Variants in NIM1K observed in about 807,000 individuals in gnomAD.
NIM1K encodes NIM1 serine/threonine protein kinase, also known as serine/threonine-protein kinase NIM1.
A neutral mutation model predicts 37.1 loss-of-function variants in NIM1K; 35 were observed. The observed-to-expected ratio is 0.94, with a 90% CI of 0.72 to 1.25. NIM1K has a LOEUF of 1.25. NIM1K is among the 50% of genes most tolerant of loss of function. The pLI is 0.00. For missense variants in NIM1K, 564 were observed against 548.0 expected (o/e 1.03, Z -0.29); for synonymous variants, 234 against 206.6 (o/e 1.13, Z -1.14).
chr5:43,259,258 G>A lies in NIM1K; in HGVS notation c.292+13191G>A, dbSNP rs1348298441. ...TTGATATAAGGACTTCTTTTCCTTT[G>A]GGGAGATACCCAGTAGGGGATTGTT... On this transcript the variant is annotated intron_variant, in intron 2 of 3. Coordinates refer to ENST00000326035, the MANE Select transcript of NIM1K (RefSeq NM_153361.4). 2.0e-5 allele frequency among the ~76,000 whole-genome samples: 3 copies of A among 152,248 alleles called. No homozygotes were observed. In the East Asian group the frequency reaches 5.8e-4, roughly 29 times the overall value.
intron 1 of NIM1K, among the ~76,000 whole-genome samples, chr5:43,233,901 T>C (rs1467456500): frequency 6.6e-6 from 1 of 152,198 alleles, no homozygotes; most frequent in Non-Finnish European, 1.5e-5. Context: ...AGTATCTTAA[T>C]GCTATTCCTT....
chr5:43,264,033 A>C (rs868755737), intron 2 of NIM1K, among the ~76,000 whole-genome samples: 9 of 152,232 alleles, frequency 5.9e-5, no homozygotes, highest in Admixed American at 2.6e-4. Context: ...GGAGTGCTTT[A>C]CTTCCAACTA....
At chr5:43,201,048 C>T (rs1210626668) in intron 1 of NIM1K, among the ~76,000 whole-genome samples, 1 of 151,094 alleles carries the variant, frequency 6.6e-6, no homozygotes, top group Non-Finnish European at 1.5e-5. Flanking sequence ...TTGCTTGAGC[C>T]TGGGCGGCAG....
At chr5:43,244,813 T>C (rs1752752670) in intron 1 of NIM1K, among the ~76,000 whole-genome samples, 1 of 152,244 alleles carries the variant, frequency 6.6e-6, no homozygotes, top group Admixed American at 6.5e-5. Context: ...GCAATGTGCA[T>C]ATTTTCTTAA....
At chr5:43,234,595 C>A (rs1752590702) in intron 1 of NIM1K, among the ~76,000 whole-genome samples, 1 of 152,026 alleles carries the variant, frequency 6.6e-6, no homozygotes, top group South Asian at 2.1e-4. Context: ...TGAAGACCAG[C>A]CTGGCCAACA....
At chr5:43,201,594 A>T (rs925583183) in intron 1 of NIM1K, among the ~76,000 whole-genome samples, 3 of 151,928 alleles carry the variant, frequency 2.0e-5, no homozygotes, top group African/African-American at 7.3e-5. Context: ...ACAGCCATTC[A>T]TATTTGTGAA....
intron 2 of NIM1K, among the ~76,000 whole-genome samples, chr5:43,251,810 C>T (rs181793827): frequency 7.9e-5 from 12 of 152,216 alleles, no homozygotes; most frequent in East Asian, 5.8e-4. Context: ...TGTTATTGAC[C>T]GCCTCCATCC....
intron 1 of NIM1K, chr5:43,225,940 CA>C (rs1400525252): frequency 6.6e-6 from 1 of 152,180 alleles, no homozygotes; most frequent in Non-Finnish European, 1.5e-5. Flanking sequence ...GTTGGAAGTA[CA>C]AAAGAGAACT....
intron 1 of NIM1K, among the ~76,000 whole-genome samples, chr5:43,202,604 C>T (rs1004104555): frequency 5.3e-5 from 8 of 152,158 alleles, no homozygotes; most frequent in African/African-American, 1.9e-4. Flanking sequence ...CTTGGAGCCT[C>T]AGGTTAATTT....
At chr5:43,217,307 T>G (rs1399028511) in intron 1 of NIM1K, among the ~76,000 whole-genome samples, 1 of 152,150 alleles carries the variant, frequency 6.6e-6, no homozygotes, top group Non-Finnish European at 1.5e-5. Flanking sequence ...GGTGCTTCAT[T>G]TCTATTTATT....
intron 2 of NIM1K, among the ~76,000 whole-genome samples, chr5:43,263,487 G>T (rs1340512587): frequency 1.3e-4 from 20 of 150,972 alleles, no homozygotes; most frequent in African/African-American, 4.6e-4. Flanking sequence ...GCCTCTATTT[G>T]ATTCTTCTCT....
intron 1 of NIM1K, among the ~76,000 whole-genome samples, chr5:43,223,697 G>A (rs1380157959): frequency 6.6e-6 from 1 of 152,118 alleles, no homozygotes; most frequent in African/African-American, 2.4e-5. Flanking sequence ...TCACTCCAGA[G>A]GTTACCAGAA....
intron 1 of NIM1K, chr5:43,233,000 C>T (rs1290601958): frequency 2.5e-5 from 29 of 1,182,258 alleles, no homozygotes; most frequent in East Asian, 1.9e-4. Context: ...ACATGCTTGC[C>T]GGAGCCCGTC....
chr5:43,236,368 G>C lies in NIM1K; in HGVS notation c.-694-8714G>C, dbSNP rs538710987. Among the ~76,000 whole-genome samples, 388 of 152,032 alleles carry C rather than the reference G, an allele frequency of 2.6e-3. 5 individuals carry two copies. Among genetic ancestry groups the C allele is most frequent in the African/African-American group, 9.0e-3 (373 of 41,490 alleles). ...TGGGTGGATTGCACCTGTAATCCTA[G>C]CTACAAGGAGGCTGAGGCAGAAGGA... On this transcript the variant is annotated intron_variant, in intron 1 of 3. Coordinates refer to ENST00000326035, the MANE Select transcript of NIM1K (RefSeq NM_153361.4).
intron 1 of NIM1K, among the ~76,000 whole-genome samples, chr5:43,211,731 G>A (rs1323232815): frequency 6.6e-6 from 1 of 152,140 alleles, no homozygotes; most frequent in Admixed American, 6.5e-5. Context: ...ACCATGCAAT[G>A]GAAATCTAAT....
chr5:43,275,904 T>C (rs908378851), intron 2 of NIM1K, among the ~76,000 whole-genome samples: 19 of 151,628 alleles, frequency 1.3e-4, no homozygotes, highest in Non-Finnish European at 2.5e-4. Context: ...TAATTTTTTT[T>C]TTTTTTTTTT....
chr5:43,200,016 C>T (rs1450143103), intron 1 of NIM1K, among the ~76,000 whole-genome samples: 1 of 152,050 alleles, frequency 6.6e-6, no homozygotes, highest in Admixed American at 6.5e-5. Context: ...GCTGGGATTA[C>T]AGGCATGTGC....
intron 1 of NIM1K, chr5:43,232,590 G>A (rs1752556131): frequency 4.5e-6 from 7 of 1,569,632 alleles, no homozygotes; most frequent in Middle Eastern, 2.1e-4. Flanking sequence ...AGTGCTCCAG[G>A]GTGGTGTGGG....
At chr5:43,218,204 T>A (rs554507105) in intron 1 of NIM1K, among the ~76,000 whole-genome samples, 1 of 151,774 alleles carries the variant, frequency 6.6e-6, no homozygotes, top group South Asian at 2.1e-4. Context: ...AGAGATAGGG[T>A]TTCACCATGT....
Sources: gnomAD v4.1 joint callset for allele counts (sites outside exome capture counted in the v4.1 genomes callset) on GRCh38, gnomAD v4.1.1 for gene constraint, MANE v1.5 for transcripts, NCBI Gene and HGNC (gene_info 2026-07-23, HGNC 2026-07-21) for gene names.